The following TBR1 variants were observed in gnomAD, a reference collection of about 807,000 sequenced individuals.
TBR1 encodes T-box brain protein 1.
In TBR1, 7 loss-of-function variants were observed where a neutral mutation model predicts 60.3. That is an observed-to-expected ratio of 0.12 (90% confidence interval 0.07 to 0.22). TBR1 has a LOEUF of 0.22. TBR1 is among the 10% of genes least tolerant of loss of function. The pLI, the probability that TBR1 is intolerant of heterozygous loss-of-function variation, is 1.00. For missense variants in TBR1, 616 were observed against 936.8 expected, an observed-to-expected ratio of 0.66 and a Z score of 4.47; for synonymous variants, 417 against 409.9, an observed-to-expected ratio of 1.02 and a Z score of -0.21.
Position 161,416,385 on chromosome 2 carries a change from A to T in TBR1, c.-26A>T. 1 of 1,524,806 alleles carries T rather than the reference A, an allele frequency of 6.6e-7. No individual in the cohort carries two copies. Among genetic ancestry groups the T allele is most frequent in the South Asian group, 1.3e-5 (1 of 76,406 alleles). 94.5% of individuals were successfully genotyped at this position (1,524,806 alleles called of 1,614,324 possible). A position where few individuals can be genotyped will look rare whatever the true frequency, so the allele number is the denominator to read the frequency against. On this transcript the variant is annotated 5_prime_UTR_variant, in exon 1 of 6. Transcript: ENST00000389554. The surrounding 1 kb of genome is among the most constrained non-coding windows in gnomAD (Gnocchi z 6.1). ...TAGGACTTTAAAAACCAGGGACGGG[A>T]GGGCGAGTGTTCAGGTTCTAGAGCT...
chr2:161,418,096 ATGTGTGTGTGTGTGTG>A (rs78592009), intron 2 of TBR1, 89 bp from the exon 3 acceptor site: 8 of 1,414,358 alleles, frequency 5.7e-6, no homozygotes, highest in East Asian at 2.6e-5. Context: ...AGGTGTGTGT[ATGTGTGTGTGTGTGTG>A]TGTGTGTGTG....
At position 161,424,188 on chromosome 2, in the gene TBR1, G is replaced by A. The variant is rs1377973433; in HGVS notation, c.2010G>A (p.Lys670=). 4 of 1,610,288 alleles carry A rather than the reference G, an allele frequency of 2.5e-6. No individual in the cohort carries two copies. The highest frequency in any genetic ancestry group is 1.6e-4 in the Middle Eastern group (1 of 6,072). ...GGGACTGCGAGAAGAACTGCGCCAAGGACATTAGCGGCTACTATGGCTTCT... is the reference window on the plus strand; with the variant it reads ...GGGACTGCGAGAAGAACTGCGCCAAAGACATTAGCGGCTACTATGGCTTCT... ...AQRDCEKNCA[K]DISGYYGFYS... is the part of the protein sequence containing the mutation. The change falls in exon 6 of 6, where the codon AAG becomes AAA. Residue 670 remains lysine, a synonymous_variant. Coordinates refer to ENST00000389554, the MANE Select transcript of TBR1 (RefSeq NM_006593.4). The surrounding 1 kb of genome is among the most constrained non-coding windows in gnomAD (Gnocchi z 4.4).
Position 161,423,625 on chromosome 2 carries a change from CGCT to C in TBR1, c.1449_1451del (p.Trp484del), listed in dbSNP as rs1684272231. 6.5e-7 allele frequency: 1 copy of C among 1,537,670 alleles called. No individual in the cohort carries two copies. The highest frequency in any genetic ancestry group is 8.7e-7 in the Non-Finnish European group (1 of 1,150,094). On this transcript the variant is annotated inframe_deletion, in exon 6 of 6. Coordinates refer to ENST00000389554, the MANE Select transcript of TBR1 (RefSeq NM_006593.4). ...GGACCCGGGCGCGCCCTCGCCGCAA[CGCT>C]GGTTTGTGACGCCGGCCAACAACCG...
At chr2:161,418,661 G>C (rs1483364990) in intron 3 of TBR1, 11 of 608,056 alleles carry the variant, frequency 1.8e-5, no homozygotes, top group Non-Finnish European at 3.0e-5. Context: ...CGGGCGGTCG[G>C]CTTCCCCCTT....
rs1448925375 is a variant in TBR1, at chr2:161,424,212, C to T, written c.2034C>T (p.Phe678=). Residue 678 remains phenylalanine, a synonymous_variant, in exon 6 of 6, where the codon TTC becomes TTT. Coordinates refer to ENST00000389554, the MANE Select transcript of TBR1 (RefSeq NM_006593.4). The surrounding 1 kb of genome is among the most constrained non-coding windows in gnomAD (Gnocchi z 4.4). ...AGGACATTAGCGGCTACTATGGCTT[C>T]TACTCGCACAGCTAGGCCGCCCCTG... ...CAKDISGYYG[F]YSHS is the part of the protein sequence containing the mutation. 2 of 1,594,870 alleles carry T rather than the reference C, an allele frequency of 1.3e-6. No homozygotes were observed. Among genetic ancestry groups the T allele is most frequent in the Non-Finnish European group, 1.7e-6 (2 of 1,169,246 alleles).
At chr2:161,420,628 G>A (rs1183740532) in intron 5 of TBR1, 1 of 166,638 alleles carries the variant, frequency 6.0e-6, no homozygotes, top group Non-Finnish European at 1.3e-5. Flanking sequence ...TGGCGCTGCA[G>A]ATGCTCAGCT....
intron 5 of TBR1, chr2:161,423,079 T>C (rs1684257313): frequency 3.1e-6 from 1 of 324,082 alleles, no homozygotes; most frequent in Non-Finnish European, 5.6e-6. Context: ...CCCAGTACAC[T>C]TGACGAGAGA....
chr2:161,425,428 C>T lies in TBR1; in HGVS notation c.*1201C>T. 1 of 151,808 alleles carries T rather than the reference C, an allele frequency of 6.6e-6. No homozygotes were observed. Among genetic ancestry groups the T allele is most frequent in the African/African-American group, 2.4e-5 (1 of 41,324 alleles). 9.4% of individuals were successfully genotyped at this position (151,808 alleles called of 1,614,324 possible). On this transcript the variant is annotated 3_prime_UTR_variant, in exon 6 of 6. Coordinates refer to ENST00000389554, the MANE Select transcript of TBR1 (RefSeq NM_006593.4). ...GCATTTTAGTTTTGAAAATGACTTC[C>T]CCACCACCTAGAAACAGCTGAAATT...
In TBR1 at chr2:161,425,696, G is replaced by C. The variant is rs948448203; in HGVS notation, c.*1469G>C. The C allele has an allele frequency of 1.3e-5, 2 of 152,096 alleles. No homozygotes were observed. Among genetic ancestry groups the C allele is most frequent in the African/African-American group, 2.4e-5 (1 of 41,388 alleles). 9.4% of individuals were successfully genotyped at this position (152,096 alleles called of 1,614,324 possible). On this transcript the variant is annotated 3_prime_UTR_variant, in exon 6 of 6. Coordinates refer to ENST00000389554, the MANE Select transcript of TBR1 (RefSeq NM_006593.4). The stretch of plus-strand genomic sequence containing the variant: ...CCTAATAGGAATTCAGGGTCTAAAC[G>C]TGTGTATATTTTGGCTCTTCTGTAA...
intron 4 of TBR1, chr2:161,419,444 T>A (rs1389887887): frequency 5.7e-6 from 1 of 175,394 alleles, no homozygotes; most frequent in Non-Finnish European, 1.2e-5. Flanking sequence ...AGCTTTGGCA[T>A]CTAAAAAAAA....
In TBR1 at chr2:161,416,619, A is replaced by T. The variant is rs1257085526; in HGVS notation, c.209A>T (p.Asp70Val). The change falls in exon 1 of 6, where the codon GAC becomes GTC. Residue 70 changes from aspartate to valine, a missense_variant. By Grantham distance (152) the Asp-to-Val change is radical. This residue lies in a region of TBR1 where 211 missense variants were observed against 268.7 expected (regional missense o/e 0.79). Transcript: ENST00000389554. The surrounding 1 kb of genome is among the most constrained non-coding windows in gnomAD (Gnocchi z 6.1). Reference protein sequence around the residue: ...TNQSDTDNFPDSKDSPGDVQR... With the variant: ...TNQSDTDNFPVSKDSPGDVQR... Reference sequence around the variant, plus strand: ...CAGTCAGATACAGACAATTTTCCTGACTCCAAGGACTCACCAGGGGACGTC... The same window carrying T: ...CAGTCAGATACAGACAATTTTCCTGTCTCCAAGGACTCACCAGGGGACGTC... 2 of 1,614,010 alleles carry T rather than the reference A, an allele frequency of 1.2e-6. No individual in the cohort carries two copies. Among genetic ancestry groups the T allele is most frequent in the Non-Finnish European group, 1.7e-6 (2 of 1,179,990 alleles).
At position 161,417,913 on chromosome 2, in the gene TBR1, C is replaced by T. The variant is rs906851041; in HGVS notation, c.847+83C>T. 1.3e-6 allele frequency: 2 copies of T among 1,517,636 alleles called. No individual in the cohort carries two copies. Among genetic ancestry groups the T allele is most frequent in the Non-Finnish European group, 1.8e-6 (2 of 1,131,674 alleles). The allele number at this position is 1,517,636 out of a possible 1,614,324, so 94.0% of individuals were successfully genotyped here. On this transcript the variant is annotated intron_variant, in intron 2 of 5. Transcript: ENST00000389554. The surrounding 1 kb of genome is among the most constrained non-coding windows in gnomAD (Gnocchi z 5.3). Reference sequence around the variant, plus strand: ...TAAAGCCTTTGTGGACTGGCTCGAGCGACTTTTAAAACGATCGGCCAATGA... The same window carrying T: ...TAAAGCCTTTGTGGACTGGCTCGAGTGACTTTTAAAACGATCGGCCAATGA...
chr2:161,416,967 G>A lies in TBR1; in HGVS notation c.557G>A (p.Gly186Glu). ...CAGCAGTACGGCCACTCCTACCAAG[G>A]AGCTCCGTTCTACCAGTTCTCCTCC... Reference protein sequence around the residue: ...YPQQYGHSYQGAPFYQFSSTQ... With the variant: ...YPQQYGHSYQEAPFYQFSSTQ... The change falls in exon 1 of 6, where the codon GGA (glycine) becomes GAA (glutamate). Residue 186 changes from glycine to glutamate, a missense_variant. Coordinates refer to ENST00000389554, the MANE Select transcript of TBR1 (RefSeq NM_006593.4). This position sits in a 1 kb window ranked among gnomAD's most constrained non-coding sequence, Gnocchi z 6.1. 6.2e-7 allele frequency: 1 copy of A among 1,614,180 alleles called. No individual in the cohort carries two copies.
At chr2:161,422,911 G>A (rs1197090574) in intron 5 of TBR1, 1 of 154,380 alleles carries the variant, frequency 6.5e-6, no homozygotes, top group Admixed American at 6.5e-5. Context: ...GGGTGGAGGA[G>A]TGAGTACCTT....
In TBR1 at chr2:161,424,195, A is replaced by G. The variant is rs1173926700; in HGVS notation, c.2017A>G (p.Ser673Gly). The change falls in exon 6 of 6, where the codon AGC (serine) becomes GGC (glycine). Residue 673 changes from serine (S) to glycine (G), a missense_variant. Around this residue, in one of 8 missense-constraint regions of TBR1, gnomAD observed 210 missense variants for 297.4 expected, o/e 0.71. Transcript: ENST00000389554. The surrounding 1 kb of genome is among the most constrained non-coding windows in gnomAD (Gnocchi z 4.4). The part of the protein sequence containing the change: ...DCEKNCAKDI[S>G]GYYGFYSHS Reference sequence around the variant, plus strand: ...CGAGAAGAACTGCGCCAAGGACATTAGCGGCTACTATGGCTTCTACTCGCA... The same window carrying G: ...CGAGAAGAACTGCGCCAAGGACATTGGCGGCTACTATGGCTTCTACTCGCA... 6.2e-7 allele frequency: 1 copy of G among 1,608,714 alleles called. No individual in the cohort carries two copies. The highest frequency in any genetic ancestry group is 8.5e-7 in the Non-Finnish European group (1 of 1,177,562).
rs1436234039 is a variant in TBR1 at position 161,416,418 on chromosome 2, T to TA, written c.8_9insA (p.Glu4GlyfsTer41). 1 of 1,591,624 alleles carries TA rather than the reference T, an allele frequency of 6.3e-7. No homozygotes were observed. The highest frequency in any genetic ancestry group is 1.7e-5 in the Admixed American group (1 of 58,392). ...TGTTCAGGTTCTAGAGCTATGCAGC[T>TA]GGAGCACTGCCTTTCTCCTTCTATC... On this transcript the variant is annotated frameshift_variant, in exon 1 of 6. Coordinates refer to ENST00000389554, the MANE Select transcript of TBR1 (RefSeq NM_006593.4). LOFTEE classifies it high-confidence loss of function. This position sits in a 1 kb window ranked among gnomAD's most constrained non-coding sequence, Gnocchi z 6.1.
Position 161,424,464 on chromosome 2 carries a change from T to G in TBR1, c.*237T>G, listed in dbSNP as rs908506795. On this transcript the variant is annotated 3_prime_UTR_variant, in exon 6 of 6. Transcript: ENST00000389554. The surrounding 1 kb of genome is among the most constrained non-coding windows in gnomAD (Gnocchi z 4.4). Reference sequence around the variant, plus strand: ...AACTTTGCTGTAAACCTTTTGGTTTTCCTACTTACTCTTCTTCTGTGGAGT... The same window carrying G: ...AACTTTGCTGTAAACCTTTTGGTTTGCCTACTTACTCTTCTTCTGTGGAGT... The G allele has an allele frequency of 2.0e-6, 1 of 512,804 alleles. No individual in the cohort carries two copies. The highest frequency in any genetic ancestry group is 3.2e-5 in the East Asian group (1 of 31,070). 31.8% of individuals were successfully genotyped at this position (512,804 alleles called of 1,614,324 possible).
Position 161,416,538 on chromosome 2 carries a change from C to G in TBR1, c.128C>G (p.Thr43Ser). ...VLHDHPIIST[T>S]DNLERSSPLK... is the part of the protein sequence containing the mutation. ...CACGATCATCCCATTATCTCGACCA[C>G]TGACAACCTGGAGAGAAGTTCACCT... is the stretch of plus-strand genomic sequence containing the variant. The change falls in exon 1 of 6, where the codon ACT (threonine) becomes AGT (serine). Residue 43 changes from threonine to serine, a missense_variant. Around this residue, in one of 8 missense-constraint regions of TBR1, gnomAD observed 211 missense variants for 268.7 expected, o/e 0.79. Coordinates refer to ENST00000389554, the MANE Select transcript of TBR1 (RefSeq NM_006593.4). The surrounding 1 kb of genome is among the most constrained non-coding windows in gnomAD (Gnocchi z 6.1). 6.2e-7 allele frequency: 1 copy of G among 1,614,194 alleles called. No homozygotes were observed. Among genetic ancestry groups the G allele is most frequent in the East Asian group, 2.2e-5 (1 of 44,882 alleles).
intron 4 of TBR1, chr2:161,419,691 GTT>G (rs1255274865): frequency 6.6e-6 from 1 of 152,282 alleles, no homozygotes; most frequent in East Asian, 1.9e-4. Flanking sequence ...GGGTTTTTGT[GTT>G]TGTTTCTTTT....
Sources: gnomAD v4.1 joint callset for allele counts on GRCh38, gnomAD v4.1.1 for gene constraint, gnomAD v4.1.1 regional missense constraint, Gnocchi (gnomAD v3.1) non-coding constraint, MANE v1.5 for transcripts, NCBI Gene and HGNC (gene_info 2026-07-23, HGNC 2026-07-21) for gene names.